Variants in PHACTR3 observed in about 807,000 individuals in gnomAD.
PHACTR3 encodes the protein protein phosphatase 1, regulatory subunit 123.
PHACTR3 carries 16 observed loss-of-function variants against 66.8 expected under a neutral mutation model. That is an observed-to-expected ratio of 0.24 (90% confidence interval 0.16 to 0.36). The LOEUF is 0.36. PHACTR3 is among the 10% of genes least tolerant of loss of function. PHACTR3 has a pLI of 1.00. For missense variants in PHACTR3, 647 were observed against 719.9 expected, an observed-to-expected ratio of 0.90 and a Z score of 1.16; for synonymous variants, 323 against 292.1, an observed-to-expected ratio of 1.11 and a Z score of -1.08.
intron 8 of PHACTR3, among the ~76,000 whole-genome samples, chr20:59,812,880 G>A (rs1241206831): frequency 6.6e-6 from 1 of 152,098 alleles, no homozygotes; most frequent in African/African-American, 2.4e-5. Flanking sequence ...CTCTGCAGAT[G>A]AGGAGACTGG....
At chr20:59,691,614 G>T (rs1379602405) in intron 1 of PHACTR3, among the ~76,000 whole-genome samples, 1 of 151,958 alleles carries the variant, frequency 6.6e-6, no homozygotes, top group Non-Finnish European at 1.5e-5. Context: ...TCCTCTTGCA[G>T]CTTTTTCTAG....
At chr20:59,739,855 C>A (rs1189986202) in intron 1 of PHACTR3, among the ~76,000 whole-genome samples, 4 of 151,926 alleles carry the variant, frequency 2.6e-5, no homozygotes, top group Non-Finnish European at 5.9e-5. Context: ...GCTTTGGGTC[C>A]CCTCGATGCA....
rs1465461014 is a variant in PHACTR3, at chr20:59,747,865, G to A, written c.358+30G>A. Reference sequence around the variant, plus strand: ...GTGGGACCCGTCCCTGGCTTGGAAGGGCACGGTGCTGGGAATGCAGAATGG... The same window carrying A: ...GTGGGACCCGTCCCTGGCTTGGAAGAGCACGGTGCTGGGAATGCAGAATGG... On this transcript the variant is annotated intron_variant, in intron 3 of 12. Transcript: ENST00000371015. 3.1e-6 allele frequency: 5 copies of A among 1,607,884 alleles called. No homozygotes were observed. In the Middle Eastern group the frequency reaches 5.3e-4, roughly 170 times the overall value.
chr20:59,750,870 T>G (rs1014273569), intron 3 of PHACTR3, among the ~76,000 whole-genome samples: 2 of 152,232 alleles, frequency 1.3e-5, no homozygotes, highest in African/African-American at 4.8e-5. Context: ...TCCACGCAGA[T>G]GCTTGGCCAC....
chr20:59,812,339 G>A (rs1002204512), intron 8 of PHACTR3, among the ~76,000 whole-genome samples: 3 of 152,194 alleles, frequency 2.0e-5, no homozygotes, highest in African/African-American at 4.8e-5. Context: ...AGCAGTTAGC[G>A]GATCTCTGAG....
chr20:59,847,340 G>A lies in PHACTR3; in HGVS notation c.*210G>A. On this transcript the variant is annotated 3_prime_UTR_variant, in exon 13 of 13. Transcript: ENST00000371015. ...ACTTCCTTCCTTCTTTGGTGTCTGA[G>A]GAGTGTGAACTGTTGGGGTCAGTTA... The A allele has an allele frequency of 6.8e-6, 3 of 444,150 alleles. No individual in the cohort carries two copies. Among genetic ancestry groups the A allele is most frequent in the Non-Finnish European group, 1.3e-5 (3 of 239,688 alleles). The allele number at this position is 444,150 out of a possible 1,614,324, so 27.5% of individuals were successfully genotyped here. A position where few individuals can be genotyped will look rare whatever the true frequency, so the allele number is the denominator to read the frequency against.
At chr20:59,676,816 T>C in intron 1 of PHACTR3, 1 of 827,026 alleles carries the variant, frequency 1.2e-6, no homozygotes, top group Non-Finnish European at 1.5e-6. Flanking sequence ...GGGACTCTGC[T>C]TAGGGAGCAG....
At chr20:59,752,512 C>T (rs973459259) in intron 3 of PHACTR3, among the ~76,000 whole-genome samples, 1 of 146,154 alleles carries the variant, frequency 6.8e-6, no homozygotes, top group African/African-American at 2.5e-5. Context: ...TGAAACTTTT[C>T]ACTGAACATG....
chr20:59,821,019 T>C (rs181093692), intron 8 of PHACTR3, among the ~76,000 whole-genome samples: 143 of 152,296 alleles, frequency 9.4e-4, no homozygotes, highest in African/African-American at 3.2e-3. Flanking sequence ...GTAGTAGTCA[T>C]GGTAATAAGA....
chr20:59,838,359 GA>G (rs1261832559), intron 9 of PHACTR3, among the ~76,000 whole-genome samples: 2 of 152,134 alleles, frequency 1.3e-5, no homozygotes, highest in African/African-American at 4.8e-5. Flanking sequence ...CCAATTCTTA[GA>G]ATATCACTTT....
At chr20:59,608,226 A>C (rs573398717) in intron 1 of PHACTR3, among the ~76,000 whole-genome samples, 23 of 151,924 alleles carry the variant, frequency 1.5e-4, no homozygotes, top group African/African-American at 5.3e-4. Context: ...AGTTCATTAA[A>C]TCTCCCATGG....
chr20:59,586,426 T>G (rs1273456643), intron 1 of PHACTR3, among the ~76,000 whole-genome samples: 2 of 152,232 alleles, frequency 1.3e-5, no homozygotes, highest in Non-Finnish European at 2.9e-5. Context: ...GCTCCAGCAC[T>G]GGAGGCTTGG....
At chr20:59,634,805 C>G (rs1380942272) in intron 1 of PHACTR3, among the ~76,000 whole-genome samples, 1 of 152,176 alleles carries the variant, frequency 6.6e-6, no homozygotes, top group Non-Finnish European at 1.5e-5. Context: ...CGCCGCTGGC[C>G]GCAGATGGTT....
chr20:59,803,293 G>A (rs1220462713), intron 7 of PHACTR3, among the ~76,000 whole-genome samples: 1 of 152,134 alleles, frequency 6.6e-6, no homozygotes. Context: ...TAAACATGTG[G>A]TTAATTTCAA....
upstream of PHACTR3, among the ~76,000 whole-genome samples, chr20:59,602,673 A>G (rs1430952880): frequency 6.6e-6 from 1 of 151,878 alleles, no homozygotes; most frequent in Non-Finnish European, 1.5e-5. Context: ...CATCCCCACC[A>G]TTTCTGCACC....
At chr20:59,598,795 A>G (rs1278412567) in intron 1 of PHACTR3, among the ~76,000 whole-genome samples, 2 of 152,122 alleles carry the variant, frequency 1.3e-5, no homozygotes, top group Non-Finnish European at 2.9e-5. Flanking sequence ...CCCACCCGCC[A>G]CTACTTCAGG....
intron 5 of PHACTR3, among the ~76,000 whole-genome samples, chr20:59,768,165 T>C (rs954896105): frequency 6.6e-6 from 1 of 152,234 alleles, no homozygotes; most frequent in African/African-American, 2.4e-5. Context: ...GTAGAGATAA[T>C]TACTTTGCAA....
At chr20:59,755,027 C>T (rs117092709) in intron 3 of PHACTR3, among the ~76,000 whole-genome samples, 155 bp from the exon 4 acceptor site, 402 of 152,186 alleles carry the variant, frequency 2.6e-3, no homozygotes, top group Non-Finnish European at 5.2e-3. Context: ...AAAGTCCAGA[C>T]TTGGAGAGGG....
At chr20:59,708,774 C>T (rs995546799) in intron 1 of PHACTR3, among the ~76,000 whole-genome samples, 1 of 152,188 alleles carries the variant, frequency 6.6e-6, no homozygotes, top group Non-Finnish European at 1.5e-5. Context: ...TGATCTGCCC[C>T]CACCATCAAA....
Sources: allele counts gnomAD v4.1 joint callset (sites outside exome capture counted in the v4.1 genomes callset), GRCh38; gene constraint gnomAD v4.1.1; transcripts MANE v1.5; gene names NCBI Gene and HGNC (gene_info 2026-07-23, HGNC 2026-07-21).